ZNF107: variants seen among roughly 807,000 people sequenced by gnomAD.
The protein encoded by ZNF107 is C2H2 type zinc-finger protein.
In ZNF107, 19 loss-of-function variants were observed where a neutral mutation model predicts 12.3. That is an observed-to-expected ratio of 1.55 (90% CI 1.08 to 2.27). The LOEUF (loss-of-function observed/expected upper bound fraction) is 2.27. Ranked by LOEUF, ZNF107 falls within the 30% of genes most tolerant of loss-of-function variation. The pLI is 0.00. For missense variants in ZNF107, 958 were observed against 979.9 expected, an observed-to-expected ratio of 0.98 and a Z score of 0.30; for synonymous variants, 317 against 330.5, an observed-to-expected ratio of 0.96 and a Z score of 0.44.
At chr7:64,699,395 A>G (rs1379087452) in intron 3 of ZNF107, among the ~76,000 whole-genome samples, 1 of 152,092 alleles carries the variant, frequency 6.6e-6, no homozygotes, top group Admixed American at 6.6e-5. Context: ...CATGGAATGT[A>G]TGATTTTGGT....
intron 3 of ZNF107, among the ~76,000 whole-genome samples, chr7:64,706,032 G>A (rs1288573716): frequency 1.3e-5 from 2 of 149,744 alleles, no homozygotes; most frequent in African/African-American, 4.9e-5. Context: ...TTGGGGAACA[G>A]AAAGAGCTTT....
intron 3 of ZNF107, among the ~76,000 whole-genome samples, chr7:64,696,859 G>A (rs1790306687): frequency 6.6e-6 from 1 of 151,712 alleles, no homozygotes; most frequent in Non-Finnish European, 1.5e-5. Context: ...GGGTACATGT[G>A]CACAACATGC....
chr7:64,698,641 G>A (rs1790372431), intron 3 of ZNF107, among the ~76,000 whole-genome samples: 2 of 152,028 alleles, frequency 1.3e-5, no homozygotes, highest in African/African-American at 4.8e-5. Context: ...GGCTGGTCTT[G>A]AACTTCTGAC....
chr7:64,709,006 T>A lies in ZNF107; in HGVS notation c.*350T>A. 2 of 448,442 alleles carry A rather than the reference T, an allele frequency of 4.5e-6. No individual in the cohort carries two copies. The highest frequency in any genetic ancestry group is 2.0e-5 in the South Asian group (1 of 50,228). 27.8% of individuals were successfully genotyped at this position (448,442 alleles called of 1,614,324 possible). On this transcript the variant is annotated 3_prime_UTR_variant, in exon 4 of 4. Coordinates refer to ENST00000620827, the MANE Select transcript of ZNF107 (RefSeq NM_001282359.2). Reference sequence around the variant, plus strand: ...AATGCCTTTAATCAGTCCTCACACCTTTCTACACATAAGATAATTTATACT... The same window carrying A: ...AATGCCTTTAATCAGTCCTCACACCATTCTACACATAAGATAATTTATACT...
At chr7:64,673,652 A>G (rs542102132) in intron 1 of ZNF107, among the ~76,000 whole-genome samples, 15 of 152,140 alleles carry the variant, frequency 9.9e-5, no homozygotes. Flanking sequence ...GTCAGTTTCT[A>G]TGTTAGAATG....
intron 1 of ZNF107, among the ~76,000 whole-genome samples, chr7:64,685,838 T>G (rs1789885103): frequency 6.6e-6 from 1 of 152,112 alleles, no homozygotes; most frequent in Non-Finnish European, 1.5e-5. Flanking sequence ...AAAATTGACA[T>G]TGCCCCTGGA....
In ZNF107 at chr7:64,709,599, TGAA is replaced by T; in HGVS notation, c.*947_*949del. On this transcript the variant is annotated 3_prime_UTR_variant, in exon 4 of 4. Transcript: ENST00000620827. ...CTTGATTGTAGGTAAGAATCCATAC[TGAA>T]GAAAACTCCTGGAAGTGTAAAAAAT... The T allele has an allele frequency of 2.4e-6, 1 of 421,870 alleles. No individual in the cohort carries two copies. 26.1% of individuals were successfully genotyped at this position (421,870 alleles called of 1,614,324 possible).
chr7:64,683,614 T>C (rs76954412), intron 1 of ZNF107, among the ~76,000 whole-genome samples: 2,549 of 152,268 alleles, frequency 0.017, 74 homozygotes, highest in African/African-American at 0.059. Context: ...TATTCTCTTA[T>C]CCCTCCATGA....
In ZNF107 at chr7:64,706,941, G is replaced by A; in HGVS notation, c.844G>A (p.Glu282Lys). The A allele has an allele frequency of 6.8e-6, 11 of 1,612,814 alleles. No homozygotes were observed. The highest frequency in any genetic ancestry group is 9.3e-6 in the Non-Finnish European group (11 of 1,179,544). Residue 282 changes from glutamate to lysine, a missense_variant, in exon 4 of 4, where the codon GAA (glutamate) becomes AAA (lysine). Glu to Lys is a moderately conservative substitution (Grantham distance 56). Coordinates refer to ENST00000620827, the MANE Select transcript of ZNF107 (RefSeq NM_001282359.2). ...LTIHKIIHTG[E>K]KPYKYEECGK... ...TATACATAAAATAATTCATACTGGA[G>A]AAAAACCTTACAAATATGAAGAATG... is the stretch of plus-strand genomic sequence containing the variant.
intron 1 of ZNF107, among the ~76,000 whole-genome samples, chr7:64,673,231 A>T (rs1789300591): frequency 6.6e-6 from 1 of 152,112 alleles, no homozygotes; most frequent in Admixed American, 6.6e-5. Context: ...TTTAGTAGAG[A>T]TGGGGTTTCA....
intron 1 of ZNF107, among the ~76,000 whole-genome samples, chr7:64,686,118 C>G (rs6973346): frequency 7.2e-5 from 11 of 151,880 alleles, no homozygotes; most frequent in African/African-American, 2.7e-4. Flanking sequence ...ACCTCCTAAC[C>G]GTCGAAAAAG....
intron 1 of ZNF107, chr7:64,668,980 T>C (rs1206573120): frequency 2.7e-5 from 4 of 150,562 alleles, no homozygotes; most frequent in Non-Finnish European, 4.4e-5. Flanking sequence ...TCATCTTGAT[T>C]TGTGAGGATA....
At chr7:64,702,716 C>T (rs1790516390) in intron 3 of ZNF107, among the ~76,000 whole-genome samples, 1 of 152,034 alleles carries the variant, frequency 6.6e-6, no homozygotes, top group Admixed American at 6.6e-5. Flanking sequence ...TGCCACTATA[C>T]CCAGCTAATT....
At chr7:64,686,995 G>A in intron 1 of ZNF107, 1 of 985,460 alleles carries the variant, frequency 1.0e-6, no homozygotes. Flanking sequence ...TTCATACTGA[G>A]GGTAGCTGTG....
At chr7:64,674,466 G>A (rs751370722) in intron 1 of ZNF107, among the ~76,000 whole-genome samples, 17 of 152,144 alleles carry the variant, frequency 1.1e-4, no homozygotes, top group Non-Finnish European at 1.5e-4. Context: ...TTTGTATTCT[G>A]AAATTTTGCT....
At chr7:64,677,742 C>T (rs1055600167) in intron 1 of ZNF107, among the ~76,000 whole-genome samples, 5 of 150,084 alleles carry the variant, frequency 3.3e-5, no homozygotes, top group African/African-American at 1.2e-4. Flanking sequence ...GACCCAGCTA[C>T]TTGGGAGGCT....
At chr7:64,675,155 G>T (rs1383685481) in intron 1 of ZNF107, among the ~76,000 whole-genome samples, 2 of 152,070 alleles carry the variant, frequency 1.3e-5, no homozygotes, top group African/African-American at 4.8e-5. Context: ...CAATTTTTTG[G>T]AATAGTTTTA....
chr7:64,682,739 C>T lies in ZNF107; in HGVS notation c.4-8509C>T, dbSNP rs150459147. Among the ~76,000 whole-genome samples, 1,103 of 152,230 alleles carry T rather than the reference C, an allele frequency of 7.2e-3. 6 individuals are homozygous for T. Among genetic ancestry groups the T allele is most frequent in the Non-Finnish European group, 0.012 (827 of 68,030 alleles). On this transcript the variant is annotated intron_variant, in intron 1 of 3. Transcript: ENST00000620827. ...GTTACACCCCAGTTACCCTCTATAG[C>T]GCTCACAACCTCCAGAGTCTCATTT...
intron 3 of ZNF107, among the ~76,000 whole-genome samples, chr7:64,701,891 G>A (rs1790488787): frequency 6.6e-6 from 1 of 151,916 alleles, no homozygotes; most frequent in African/African-American, 2.4e-5. Context: ...AAAATATTGG[G>A]ATTACATTTC....
Sources: gnomAD v4.1 joint callset for allele counts (sites outside exome capture counted in the v4.1 genomes callset) on GRCh38, gnomAD v4.1.1 for gene constraint, MANE v1.5 for transcripts, NCBI Gene and HGNC (gene_info 2026-07-23, HGNC 2026-07-21) for gene names.